The following ARID5B variants were observed in gnomAD, a reference collection of about 807,000 sequenced individuals.
ARID5B encodes AT-rich interaction domain 5B, also known as AT-rich interactive domain-containing protein 5B.
ARID5B carries 13 observed loss-of-function variants against 97.2 expected under a neutral mutation model. The ratio of observed to expected loss-of-function variants is 0.13; its 90% CI spans 0.09 to 0.21. The LOEUF (loss-of-function observed/expected upper bound fraction) is 0.21. Ranked by LOEUF, ARID5B falls within the 10% of genes least tolerant of loss-of-function variation. The pLI is 1.00. For missense variants in ARID5B, 1,210 were observed against 1,465.3 expected, an observed-to-expected ratio of 0.83 and a Z score of 2.84; for synonymous variants, 556 against 570.3, an observed-to-expected ratio of 0.97 and a Z score of 0.36.
At chr10:62,049,139 A>G (rs1839750881) in intron 4 of ARID5B, 1 of 1,190,582 alleles carries the variant, frequency 8.4e-7, no homozygotes, top group African/African-American at 1.6e-5. Flanking sequence ...TCTGACAAGG[A>G]GAGCAAGAGG....
chr10:62,043,037 A>T (rs751017305), intron 4 of ARID5B, among the ~76,000 whole-genome samples: 23 of 151,980 alleles, frequency 1.5e-4, no homozygotes, highest in African/African-American at 2.2e-4. Context: ...AGACCCCATT[A>T]TCCCAAAGAT....
chr10:61,920,575 A>G (rs1843996516), intron 2 of ARID5B, among the ~76,000 whole-genome samples: 1 of 152,114 alleles, frequency 6.6e-6, no homozygotes, highest in East Asian at 1.9e-4. Flanking sequence ...ACCTCAGGTT[A>G]TCCGCCTGCC....
At chr10:62,060,895 G>A (rs947068558) in intron 7 of ARID5B, among the ~76,000 whole-genome samples, 2 of 152,174 alleles carry the variant, frequency 1.3e-5, no homozygotes, top group African/African-American at 4.8e-5. Flanking sequence ...CTGCTTTTGT[G>A]TCTTCTGTAT....
At chr10:62,083,407 C>T (rs1226325416) in intron 8 of ARID5B, among the ~76,000 whole-genome samples, 1 of 151,596 alleles carries the variant, frequency 6.6e-6, no homozygotes, top group African/African-American at 2.4e-5. Flanking sequence ...TAGCACCCAT[C>T]TAGAGAGCCA....
chr10:62,072,907 A>G (rs1840083416), intron 8 of ARID5B, among the ~76,000 whole-genome samples: 1 of 152,262 alleles, frequency 6.6e-6, no homozygotes, highest in Non-Finnish European at 1.5e-5. Flanking sequence ...CATATATCCA[A>G]GAAGAGACTG....
intron 3 of ARID5B, among the ~76,000 whole-genome samples, chr10:61,970,418 T>A (rs1838609322): frequency 6.6e-6 from 1 of 152,222 alleles, no homozygotes. Flanking sequence ...GACTAAAATC[T>A]AAAATACACT....
intron 8 of ARID5B, among the ~76,000 whole-genome samples, chr10:62,084,560 A>C (rs1287897859): frequency 6.6e-6 from 1 of 152,250 alleles, no homozygotes; most frequent in East Asian, 1.9e-4. Context: ...ATTAAAGTTC[A>C]TATTTTTAAG....
intron 4 of ARID5B, chr10:62,024,786 G>A (rs1839399295): frequency 2.6e-6 from 1 of 389,560 alleles, no homozygotes; most frequent in African/African-American, 2.1e-5. Context: ...GTTTCCACTA[G>A]AGACGAATGA....
intron 7 of ARID5B, among the ~76,000 whole-genome samples, chr10:62,063,045 G>A (rs1208504146): frequency 6.6e-6 from 1 of 152,130 alleles, no homozygotes; most frequent in Admixed American, 6.5e-5. Context: ...CATATTTGGG[G>A]CAATGTTTTG....
chr10:61,952,623 T>A (rs1838338550), intron 3 of ARID5B, among the ~76,000 whole-genome samples: 1 of 152,214 alleles, frequency 6.6e-6, no homozygotes, highest in Non-Finnish European at 1.5e-5. Context: ...GAAGGTTGAT[T>A]TGAGTTCTTT....
rs577460074 is a variant in ARID5B, at chr10:62,021,977, T to C, written c.733+21656T>C. Among the ~76,000 whole-genome samples, 322 of 152,378 alleles carry C rather than the reference T, an allele frequency of 2.1e-3. 3 individuals carry two copies. The highest frequency in any genetic ancestry group is 7.4e-3 in the African/African-American group (307 of 41,592). ...CTCCTTTTGGGAAAAGTAAATGTAA[T>C]ACCGAATATCACATAACTGTTTTTA... On this transcript the variant is annotated intron_variant, in intron 4 of 9. Transcript: ENST00000279873.
intron 4 of ARID5B, among the ~76,000 whole-genome samples, chr10:62,020,343 CATG>C (rs1463092574): frequency 3.3e-5 from 5 of 152,130 alleles, no homozygotes; most frequent in Non-Finnish European, 5.9e-5. Flanking sequence ...AAATAATTTG[CATG>C]ATAATATTTT....
At chr10:62,057,397 G>A in intron 6 of ARID5B, 79 bp downstream of exon 6, 2 of 1,393,000 alleles carry the variant, frequency 1.4e-6, no homozygotes, top group Non-Finnish European at 2.0e-6. Flanking sequence ...TTTGACTCAG[G>A]ATTATGTTGA....
At chr10:62,055,601 CG>C (rs1285879271) in intron 5 of ARID5B, among the ~76,000 whole-genome samples, 2 of 152,144 alleles carry the variant, frequency 1.3e-5, no homozygotes, top group Non-Finnish European at 2.9e-5. Context: ...TAAAGTTTCA[CG>C]GGATGTTCGC....
At position 62,054,083 on chromosome 10, in the gene ARID5B, A is replaced by G. The variant is rs183080696; in HGVS notation, c.847-3034A>G. Among the ~76,000 whole-genome samples, 248 of 152,298 alleles carry G rather than the reference A, an allele frequency of 1.6e-3. 3 individuals carry two copies. The highest frequency in any genetic ancestry group is 5.5e-3 in the African/African-American group (228 of 41,552). On this transcript the variant is annotated intron_variant, in intron 5 of 9. Transcript: ENST00000279873. ...GGTGGTGGATCATTGAAAACGTTAA[A>G]TGTTGATTCTTTAATTAGCACCTCC... is the stretch of plus-strand genomic sequence containing the variant.
intron 3 of ARID5B, among the ~76,000 whole-genome samples, chr10:61,957,291 C>G (rs554718396): frequency 6.6e-6 from 1 of 152,028 alleles, no homozygotes; most frequent in Non-Finnish European, 1.5e-5. Flanking sequence ...GTTGTTGAGA[C>G]GGAGTTTCTC....
intron 2 of ARID5B, among the ~76,000 whole-genome samples, chr10:61,915,434 AATATC>A (rs1464496915): frequency 6.6e-6 from 1 of 152,158 alleles, no homozygotes; most frequent in Non-Finnish European, 1.5e-5. Context: ...TTTTAGAAGA[AATATC>A]ATTTGAGTTG....
chr10:61,992,556 T>G (rs1282597437), intron 3 of ARID5B, among the ~76,000 whole-genome samples: 1 of 152,188 alleles, frequency 6.6e-6, no homozygotes, highest in East Asian at 1.9e-4. Flanking sequence ...GTTTGAAATA[T>G]TCTTTGTTTT....
chr10:61,927,728 T>C (rs1489821580), intron 2 of ARID5B, among the ~76,000 whole-genome samples: 2 of 152,244 alleles, frequency 1.3e-5, no homozygotes, highest in African/African-American at 4.8e-5. Flanking sequence ...CCAACTTAGA[T>C]GAGATAGCTT....
Sources: allele counts gnomAD v4.1 joint callset (sites outside exome capture counted in the v4.1 genomes callset), GRCh38; gene constraint gnomAD v4.1.1; transcripts MANE v1.5; gene names NCBI Gene and HGNC (gene_info 2026-07-23, HGNC 2026-07-21).